The following ACKR5 variants were observed in gnomAD, a reference collection of about 807,000 sequenced individuals.
ACKR5 encodes the protein atypical chemokine receptor 5.
the ACKR5 span, chr12:56,995,966 A>G: frequency 1.2e-6 from 2 of 1,611,698 alleles, no homozygotes; most frequent in South Asian, 2.2e-5. The surrounding 1 kb of genome is among the most constrained non-coding windows in gnomAD (Gnocchi z 4.7). Flanking sequence ...ACAACCCAAG[A>G]GCCGGCGCCA....
the ACKR5 span, chr12:56,995,735 G>A: frequency 2.5e-6 from 4 of 1,613,888 alleles, no homozygotes; most frequent in Non-Finnish European, 2.5e-6. This position sits in a 1 kb window ranked among gnomAD's most constrained non-coding sequence, Gnocchi z 4.7. Context: ...CATGTGTGCA[G>A]GCATCTGGGT....
chr12:56,995,317 CA>C, the ACKR5 span: 3 of 1,614,216 alleles, frequency 1.9e-6, no homozygotes, highest in Non-Finnish European at 2.5e-6. The surrounding 1 kb of genome is among the most constrained non-coding windows in gnomAD (Gnocchi z 4.7). Flanking sequence ...TTGACCTCTT[CA>C]ACCACACTTT....
the ACKR5 span, chr12:56,996,475 A>T: frequency 6.6e-7 from 1 of 1,505,542 alleles, no homozygotes. Flanking sequence ...AGGTGAGAGT[A>T]TAGGTGGGAG....
At chr12:56,996,439 T>C in the ACKR5 span, 2 of 1,555,188 alleles carry the variant, frequency 1.3e-6, no homozygotes, top group Non-Finnish European at 1.7e-6. Flanking sequence ...GAGGCCAGAC[T>C]CCTCCAACAG....
At chr12:56,997,902 C>T in the ACKR5 span, 1 of 152,218 alleles carries the variant, frequency 6.6e-6, no homozygotes, top group African/African-American at 2.4e-5. Context: ...TGGAAGGAAA[C>T]CTGCATCTCC....
chr12:56,996,621 C>T, the ACKR5 span: 7 of 530,796 alleles, frequency 1.3e-5, no homozygotes, highest in East Asian at 3.1e-5. Context: ...CTATTTGTCT[C>T]GGTCCTTGTG....
At chr12:56,995,945 C>CGGCA in the ACKR5 span, 1 of 1,612,118 alleles carries the variant, frequency 6.2e-7, no homozygotes, top group Non-Finnish European at 8.5e-7. This position sits in a 1 kb window ranked among gnomAD's most constrained non-coding sequence, Gnocchi z 4.7. Context: ...CTGCCGGCTG[C>CGGCA]GGCAGCCAGG....
chr12:56,998,610 T>C, the ACKR5 span, among the ~76,000 whole-genome samples: 2 of 152,174 alleles, frequency 1.3e-5, no homozygotes, highest in Non-Finnish European at 2.9e-5. Context: ...CGGAGGATCC[T>C]CTCAGGGATA....
the ACKR5 span, chr12:56,996,166 T>G: frequency 6.2e-7 from 1 of 1,614,106 alleles, no homozygotes; most frequent in Non-Finnish European, 8.5e-7. Context: ...ACCCCATCCT[T>G]TACAACTTTC....
At chr12:56,995,429 G>A in the ACKR5 span, 1 of 1,614,080 alleles carries the variant, frequency 6.2e-7, no homozygotes, top group Non-Finnish European at 8.5e-7. This position sits in a 1 kb window ranked among gnomAD's most constrained non-coding sequence, Gnocchi z 4.7. Flanking sequence ...GAACCTCCTG[G>A]TGATATGCGT....
chr12:56,995,459 C>T, the ACKR5 span: 8 of 1,614,182 alleles, frequency 5.0e-6, no homozygotes, highest in East Asian at 2.2e-5. The surrounding 1 kb of genome is among the most constrained non-coding windows in gnomAD (Gnocchi z 4.7). Context: ...CGGCTCAGGC[C>T]GGGCAGGGCT....
the ACKR5 span, chr12:56,996,351 T>C: frequency 1.9e-6 from 3 of 1,613,880 alleles, no homozygotes; most frequent in South Asian, 1.1e-5. Flanking sequence ...GAGCCAAGCC[T>C]GAGCTTTCAG....
At chr12:56,996,913 A>G in the ACKR5 span, 1 of 156,146 alleles carries the variant, frequency 6.4e-6, no homozygotes, top group Non-Finnish European at 1.4e-5. Flanking sequence ...CCAAGGAACC[A>G]GGCGGCCCCA....
the ACKR5 span, chr12:56,996,325 A>G: frequency 1.2e-6 from 2 of 1,614,206 alleles, no homozygotes; most frequent in Non-Finnish European, 1.7e-6. Flanking sequence ...AGCCTGCTGC[A>G]GCAGCCCCCC....
the ACKR5 span, chr12:56,998,491 TC>T: frequency 6.6e-6 from 1 of 152,198 alleles, no homozygotes; most frequent in East Asian, 1.9e-4. Context: ...ACACACCATG[TC>T]CCCGCAAATC....
the ACKR5 span, chr12:56,995,623 T>G: frequency 6.2e-7 from 1 of 1,614,114 alleles, no homozygotes; most frequent in Non-Finnish European, 8.5e-7. The surrounding 1 kb of genome is among the most constrained non-coding windows in gnomAD (Gnocchi z 4.7). Flanking sequence ...TCAACATGTA[T>G]AGCAGCATCT....
At chr12:56,995,428 G>A in the ACKR5 span, 242 of 1,614,192 alleles carry the variant, frequency 1.5e-4, 1 homozygote, top group African/African-American at 3.1e-3. This position sits in a 1 kb window ranked among gnomAD's most constrained non-coding sequence, Gnocchi z 4.7. Context: ...AGAACCTCCT[G>A]GTGATATGCG....
chr12:56,997,779 T>C, the ACKR5 span: 3 of 152,094 alleles, frequency 2.0e-5, no homozygotes, highest in African/African-American at 7.2e-5. Context: ...TAACTTGGAG[T>C]AACTACTCAC....
At chr12:56,996,163 C>A in the ACKR5 span, 6 of 1,614,128 alleles carry the variant, frequency 3.7e-6, no homozygotes, top group Non-Finnish European at 5.1e-6. Flanking sequence ...TCAACCCCAT[C>A]CTTTACAACT....
Sources: gnomAD v4.1 joint callset for allele counts (sites outside exome capture counted in the v4.1 genomes callset) on GRCh38, gnomAD v4.1.1 for gene constraint, Gnocchi (gnomAD v3.1) non-coding constraint, MANE v1.5 for transcripts, NCBI Gene and HGNC (gene_info 2026-07-23, HGNC 2026-07-21) for gene names.